SS18: variants seen among roughly 807,000 people sequenced by gnomAD.
SS18 encodes protein SSXT.
Under a neutral mutation model 72.5 loss-of-function variants are expected in SS18, and 28 were observed. The observed-to-expected ratio is 0.39, with a 90% CI of 0.29 to 0.53. The LOEUF (loss-of-function observed/expected upper bound fraction) is 0.53, where lower values mean the gene tolerates loss of function less well. Among genes scored for constraint, SS18 ranks in the 20% least tolerant of loss-of-function variants. The pLI, the probability that SS18 is intolerant of heterozygous loss-of-function variation, is 0.76. For synonymous variants in SS18, 172 were observed against 164.2 expected, an observed-to-expected ratio of 1.05 and a Z score of -0.37; for missense variants, 518 against 535.3, an observed-to-expected ratio of 0.97 and a Z score of 0.32.
intron 5 of SS18, among the ~76,000 whole-genome samples, chr18:26,049,106 A>C (rs1237503494): frequency 6.6e-6 from 1 of 152,244 alleles, no homozygotes; most frequent in East Asian, 1.9e-4. Context: ...CAAGCACTGC[A>C]ATTTGTAAAA....
Position 26,035,191 on chromosome 18 carries a change from C to CT in SS18, c.974-65dup, listed in dbSNP as rs1193543792. 1 of 1,560,006 alleles carries CT rather than the reference C, an allele frequency of 6.4e-7. No individual in the cohort carries two copies. The highest frequency in any genetic ancestry group is 1.4e-5 in the African/African-American group (1 of 73,320). On this transcript the variant is annotated intron_variant, in intron 8 of 10. Transcript: ENST00000415083. This position sits in a 1 kb window ranked among gnomAD's most constrained non-coding sequence, Gnocchi z 4.4. ...GTCTGCTTAAGTAACTTTTTTCCCT[C>CT]TAAGATGCATAGCCAACAACACAAG...
intron 1 of SS18, chr18:26,090,075 C>G (rs1189197946): frequency 1.2e-5 from 2 of 172,894 alleles, no homozygotes; most frequent in Non-Finnish European, 2.4e-5. Flanking sequence ...CTGCCTGCCG[C>G]GACCCGCGGT....
At chr18:26,069,164 A>G (rs895506212) in intron 3 of SS18, among the ~76,000 whole-genome samples, 3 of 152,098 alleles carry the variant, frequency 2.0e-5, no homozygotes, top group African/African-American at 2.4e-5. Flanking sequence ...ATATCCTCCA[A>G]TGTGTACCTA....
In SS18 at chr18:26,023,860, T is replaced by TA. The variant is rs1392461479; in HGVS notation, c.1231-5481dup. On this transcript the variant is annotated intron_variant, in intron 10 of 10. Transcript: ENST00000415083. ...TAAAAATTTTTTTTTCCTTATTATTTAAGTATCTTTAACTGATTTTTTTAG... is the reference window on the plus strand; with the variant it reads ...TAAAAATTTTTTTTTCCTTATTATTTAAAGTATCTTTAACTGATTTTTTTAG... Among the ~76,000 whole-genome samples the TA allele has an allele frequency of 2.0e-5, 3 of 152,266 alleles. No homozygotes were observed. The East Asian group carries it at 5.8e-4, about 29-fold the overall frequency.
At chr18:26,058,447 G>A (rs1402935852) in intron 3 of SS18, among the ~76,000 whole-genome samples, 1 of 152,210 alleles carries the variant, frequency 6.6e-6, no homozygotes, top group Non-Finnish European at 1.5e-5. Context: ...ATATTTTGGT[G>A]GAGAAAGCAA....
In SS18 at chr18:26,039,419, G is replaced by A. The variant is rs200938774; in HGVS notation, c.645C>T (p.Tyr215=). 198 of 1,613,700 alleles carry A rather than the reference G, an allele frequency of 1.2e-4. No individual in the cohort carries two copies. The highest frequency in any genetic ancestry group is 3.3e-4 in the Middle Eastern group (2 of 6,052). ...MMHQQPPSQQ[Y]NMPQGGGQHY... Reference sequence around the variant, plus strand: ...GCTGTCCGCCTCCCTGTGGCATATTGTATTGCTGAGAAGGAGGCTGCTGAT... The same window carrying A: ...GCTGTCCGCCTCCCTGTGGCATATTATATTGCTGAGAAGGAGGCTGCTGAT... Residue 215 remains tyrosine (Y), a synonymous_variant, in exon 6 of 11, where the codon TAC becomes TAT. Transcript: ENST00000415083.
chr18:26,052,908 C>A (rs1443917517), intron 4 of SS18, 63 bp from the exon 5 acceptor site: 3 of 1,405,330 alleles, frequency 2.1e-6, no homozygotes, highest in East Asian at 2.3e-5. Flanking sequence ...TACAAAAGTA[C>A]CTGGAAATAA....
At chr18:26,044,484 C>T (rs1406399179) in intron 5 of SS18, among the ~76,000 whole-genome samples, 5 of 151,284 alleles carry the variant, frequency 3.3e-5, no homozygotes, top group East Asian at 1.9e-4. Context: ...CCACCACGTC[C>T]GGCTAATTTT....
chr18:26,052,585 T>C lies in SS18; in HGVS notation c.607+39A>G, dbSNP rs562597083. 5.9e-6 allele frequency: 9 copies of C among 1,514,058 alleles called. No individual in the cohort carries two copies. In the East Asian group the frequency reaches 9.0e-5, roughly 15 times the overall value. 93.8% of individuals were successfully genotyped at this position (1,514,058 alleles called of 1,614,324 possible). A position where few individuals can be genotyped will look rare whatever the true frequency, so the allele number is the denominator to read the frequency against. On this transcript the variant is annotated intron_variant, in intron 5 of 10. Transcript: ENST00000415083. ...AATCATTTTACTTTTCAAAGGCTAA[T>C]AGAGCACTCTAGTCAAGAAGGACAT...
At chr18:26,041,123 AGC>A in intron 5 of SS18, among the ~76,000 whole-genome samples, 1 of 152,338 alleles carries the variant, frequency 6.6e-6, no homozygotes, top group Non-Finnish European at 1.5e-5. Flanking sequence ...TTAAAACATA[AGC>A]TATAACAAAT....
intron 10 of SS18, among the ~76,000 whole-genome samples, chr18:26,019,692 T>C (rs574087206): frequency 1.4e-5 from 2 of 143,660 alleles, no homozygotes; most frequent in Non-Finnish European, 3.0e-5. Flanking sequence ...ACATCTGTAA[T>C]CCCAGCTACT....
intron 5 of SS18, among the ~76,000 whole-genome samples, chr18:26,050,929 T>TAAATAAAC (rs1381174224): frequency 1.4e-4 from 22 of 151,876 alleles, no homozygotes; most frequent in Admixed American, 7.9e-4. Context: ...AATAAATAAA[T>TAAATAAAC]AAACAAATAA....
intron 5 of SS18, among the ~76,000 whole-genome samples, chr18:26,044,898 C>T (rs1057494687): frequency 6.6e-6 from 1 of 152,118 alleles, no homozygotes; most frequent in African/African-American, 2.4e-5. Context: ...CTCCCCTGGT[C>T]AGCAATATAC....
upstream of SS18, chr18:26,091,151 G>C (rs992816227): frequency 6.5e-6 from 1 of 153,914 alleles, no homozygotes; most frequent in Non-Finnish European, 1.4e-5. Flanking sequence ...AGAGGGGAGG[G>C]AGGTCAAGAC....
rs533602297 is a variant in SS18 at position 26,017,945 on chromosome 18, T to C, written c.*409A>G. The C allele has an allele frequency of 7.0e-5, 17 of 242,192 alleles. No individual in the cohort carries two copies. In the South Asian group the frequency reaches 2.7e-3, roughly 38 times the overall value. The allele number at this position is 242,192 out of a possible 1,614,324, so 15.0% of individuals were successfully genotyped here. On this transcript the variant is annotated 3_prime_UTR_variant, in exon 11 of 11. Transcript: ENST00000415083. The stretch of plus-strand genomic sequence containing the variant: ...GAAATAAACATAATATACAAAATAT[T>C]GCTGCTGTAAAAAGTGTACATTTCC...
In SS18 at chr18:26,039,325, G is replaced by C; in HGVS notation, c.739C>G (p.Gln247Glu). The change falls in exon 6 of 11, where the codon CAG becomes GAG. Residue 247 changes from glutamine to glutamate, a missense_variant. Physicochemically the swap from Gln to Glu is conservative, Grantham distance 29. Transcript: ENST00000415083. ...GGTCTATAGGGAGGAATCTGTCTCTGACCCATCATATGATTGCCTTGGTTA... is the reference window on the plus strand; with the variant it reads ...GGTCTATAGGGAGGAATCTGTCTCTCACCCATCATATGATTGCCTTGGTTA... ...QVNQGNHMMG[Q>E]RQIPPYRPPQ... is the part of the protein sequence containing the mutation. The C allele has an allele frequency of 3.1e-6, 5 of 1,613,750 alleles. No individual in the cohort carries two copies. Among genetic ancestry groups the C allele is most frequent in the Non-Finnish European group, 4.2e-6 (5 of 1,179,796 alleles).
At chr18:26,030,601 G>C (rs1257379985) in intron 10 of SS18, among the ~76,000 whole-genome samples, 5 of 152,126 alleles carry the variant, frequency 3.3e-5, no homozygotes, top group Admixed American at 2.0e-4. Context: ...TGAATGGCTT[G>C]AAGTTTAGGA....
rs1472491626 is a variant in SS18, at chr18:26,090,489, G to A, written c.69+12C>T. ...GTAAGGGCCTGGCATCCGCAACCCCGCGCGGTTTCACCTTCTGAATCGCAG... is the reference window on the plus strand; with the variant it reads ...GTAAGGGCCTGGCATCCGCAACCCCACGCGGTTTCACCTTCTGAATCGCAG... On this transcript the variant is annotated intron_variant, in intron 1 of 10. Transcript: ENST00000415083. The A allele has an allele frequency of 1.3e-6, 2 of 1,561,994 alleles. No homozygotes were observed. The highest frequency in any genetic ancestry group is 1.7e-6 in the Non-Finnish European group (2 of 1,153,194).
intron 4 of SS18, among the ~76,000 whole-genome samples, chr18:26,056,469 A>AT (rs902105961): frequency 1.3e-5 from 2 of 152,182 alleles, no homozygotes; most frequent in African/African-American, 2.4e-5. Context: ...TGTGTGCCAT[A>AT]TATGTTGCAA....
Sources: allele counts gnomAD v4.1 joint callset (sites outside exome capture counted in the v4.1 genomes callset), GRCh38; gene constraint gnomAD v4.1.1; non-coding constraint Gnocchi (gnomAD v3.1); transcripts MANE v1.5; gene names NCBI Gene and HGNC (gene_info 2026-07-23, HGNC 2026-07-21).